Variants in SPATS2L observed in about 807,000 individuals in gnomAD.
The protein encoded by SPATS2L is SPATS2-like protein.
In SPATS2L, 30 loss-of-function variants were observed where a neutral mutation model predicts 59.6. That is an observed-to-expected ratio of 0.50 (90% CI 0.38 to 0.68). The LOEUF is 0.68. SPATS2L is among the 30% of genes least tolerant of loss of function. The pLI is 0.00. For missense variants in SPATS2L, 615 were observed against 700.0 expected (o/e 0.88, Z 1.37); for synonymous variants, 252 against 263.5 (o/e 0.96, Z 0.42).
At position 200,476,135 on chromosome 2, in the gene SPATS2L, G is replaced by C. The variant is rs537425869; in HGVS notation, c.1282-1501G>C. 3.3e-5 allele frequency among the ~76,000 whole-genome samples: 5 copies of C among 152,290 alleles called. No individual in the cohort carries two copies. In the East Asian group the frequency reaches 9.7e-4, roughly 29 times the overall value. ...AGTTCAGAAATCTTTCCCTTGTAAAGGAGCTTAATCCATTGCGTCCTTACT... is the reference window on the plus strand; with the variant it reads ...AGTTCAGAAATCTTTCCCTTGTAAACGAGCTTAATCCATTGCGTCCTTACT... On this transcript the variant is annotated intron_variant, in intron 12 of 12. Transcript: ENST00000409140.
chr2:200,412,286 TTC>T, intron 3 of SPATS2L, 23 bp from the exon 4 acceptor site: 1 of 1,320,594 alleles, frequency 7.6e-7, no homozygotes, highest in Non-Finnish European at 1.0e-6. Context: ...ACATTTCTAT[TTC>T]TTTTTTTTTT....
At chr2:200,402,158 T>G (rs991756214) in intron 3 of SPATS2L, among the ~76,000 whole-genome samples, 10 of 152,190 alleles carry the variant, frequency 6.6e-5, no homozygotes, top group African/African-American at 2.4e-4. Context: ...AGTATTAGAA[T>G]CCTAACAGGA....
chr2:200,342,289 A>G (rs2080357887), intron 2 of SPATS2L, among the ~76,000 whole-genome samples: 1 of 152,208 alleles, frequency 6.6e-6, no homozygotes, highest in Admixed American at 6.5e-5. Flanking sequence ...AAAGATTTAG[A>G]AAGGCTGCAG....
intron 2 of SPATS2L, among the ~76,000 whole-genome samples, chr2:200,351,890 T>C (rs1405821332): frequency 6.6e-6 from 1 of 152,204 alleles, no homozygotes; most frequent in Admixed American, 6.5e-5. Context: ...ATTTCAGTTC[T>C]ATCTTGTCAA....
At position 200,361,031 on chromosome 2, in the gene SPATS2L, T is replaced by C. The variant is rs368884663; in HGVS notation, c.-22-28192T>C. ...TGTGTGTCTGTGAATTGCTTCTGGA[T>C]CCATTGTGAAACTCCCTTTCTAGCT... On this transcript the variant is annotated intron_variant, in intron 2 of 12. Transcript: ENST00000409140. Among the ~76,000 whole-genome samples, 5 of 150,172 alleles carry C rather than the reference T, an allele frequency of 3.3e-5. No homozygotes were observed. The East Asian group carries it at 9.9e-4, about 30-fold the overall frequency.
intron 2 of SPATS2L, among the ~76,000 whole-genome samples, chr2:200,339,988 A>G (rs2080269235): frequency 6.6e-6 from 1 of 152,084 alleles, no homozygotes; most frequent in South Asian, 2.1e-4. Context: ...ACTGCAATTG[A>G]CTTTTCAGCT....
intron 3 of SPATS2L, among the ~76,000 whole-genome samples, chr2:200,403,682 T>C (rs1017360707): frequency 2.0e-5 from 3 of 152,196 alleles, no homozygotes; most frequent in Admixed American, 1.3e-4. Flanking sequence ...CCACTACATT[T>C]CTTACAGTTC....
chr2:200,363,934 T>C (rs2081187850), intron 2 of SPATS2L, among the ~76,000 whole-genome samples: 1 of 152,204 alleles, frequency 6.6e-6, no homozygotes, highest in Non-Finnish European at 1.5e-5. Flanking sequence ...CCTGTTTGAA[T>C]AGGTCATGAA....
intron 4 of SPATS2L, among the ~76,000 whole-genome samples, chr2:200,414,115 C>T (rs1474304487): frequency 2.6e-5 from 4 of 152,016 alleles, no homozygotes; most frequent in Admixed American, 6.5e-5. Context: ...ATTGAGGCCC[C>T]CCACGTTCCT....
chr2:200,401,665 C>A (rs144483379), intron 3 of SPATS2L, among the ~76,000 whole-genome samples: 1 of 152,074 alleles, frequency 6.6e-6, no homozygotes, highest in Non-Finnish European at 1.5e-5. Flanking sequence ...TTCTCACTCA[C>A]GGTTCTCAAT....
intron 2 of SPATS2L, among the ~76,000 whole-genome samples, chr2:200,380,680 G>C (rs1252559868): frequency 6.6e-6 from 1 of 152,226 alleles, no homozygotes; most frequent in Non-Finnish European, 1.5e-5. Context: ...TTTCAAAAGA[G>C]GCCAAGCCAG....
At chr2:200,464,798 T>C (rs1383030842) in intron 9 of SPATS2L, among the ~76,000 whole-genome samples, 1 of 152,216 alleles carries the variant, frequency 6.6e-6, no homozygotes. Flanking sequence ...ATTTTTTTAA[T>C]TTTAGTTTGC....
At chr2:200,335,762 G>C (rs1355681483) in intron 2 of SPATS2L, among the ~76,000 whole-genome samples, 2 of 152,180 alleles carry the variant, frequency 1.3e-5, no homozygotes, top group Non-Finnish European at 2.9e-5. Context: ...ATTTGGGTAG[G>C]AAAAGAAATT....
chr2:200,412,175 T>G, intron 3 of SPATS2L, 136 bp from the exon 4 acceptor site: 1 of 543,158 alleles, frequency 1.8e-6, no homozygotes, highest in South Asian at 3.0e-5. Context: ...TTGAGTATGC[T>G]TGATGACAAG....
chr2:200,433,052 T>C (rs1375748961), intron 6 of SPATS2L, among the ~76,000 whole-genome samples: 2 of 152,200 alleles, frequency 1.3e-5, no homozygotes, highest in Admixed American at 1.3e-4. Context: ...GGACACAGTT[T>C]ATCCAAATTT....
intron 1 of SPATS2L, among the ~76,000 whole-genome samples, chr2:200,325,849 C>T (rs755910237): frequency 6.6e-6 from 1 of 152,168 alleles, no homozygotes; most frequent in Admixed American, 6.5e-5. Context: ...AGTTTATAAA[C>T]ACCAACACAT....
At chr2:200,463,961 G>C (rs1385502548) in intron 9 of SPATS2L, among the ~76,000 whole-genome samples, 2 of 152,218 alleles carry the variant, frequency 1.3e-5, no homozygotes, top group African/African-American at 4.8e-5. Flanking sequence ...AGCTTCCAAT[G>C]TGTTTCAAAA....
intron 8 of SPATS2L, among the ~76,000 whole-genome samples, chr2:200,456,749 G>A (rs2085859548): frequency 6.6e-6 from 1 of 152,082 alleles, no homozygotes; most frequent in Non-Finnish European, 1.5e-5. Flanking sequence ...CCCTCCACTG[G>A]GCATCTGAGG....
At chr2:200,391,551 T>C (rs918638631) in intron 3 of SPATS2L, among the ~76,000 whole-genome samples, 1 of 152,252 alleles carries the variant, frequency 6.6e-6, no homozygotes, top group Non-Finnish European at 1.5e-5. Context: ...TACTGCCATG[T>C]AGGGCATTAT....
Sources: allele counts gnomAD v4.1 joint callset (sites outside exome capture counted in the v4.1 genomes callset), GRCh38; gene constraint gnomAD v4.1.1; transcripts MANE v1.5; gene names NCBI Gene and HGNC (gene_info 2026-07-23, HGNC 2026-07-21).